AGAP5: variants seen among roughly 807,000 people sequenced by gnomAD.
The protein encoded by AGAP5 is arf-GAP with GTPase, ANK repeat and PH domain-containing protein 5.
AGAP5 carries 8 observed loss-of-function variants against 27.7 expected under a neutral mutation model. The observed-to-expected ratio is 0.29, with a 90% CI of 0.17 to 0.52. The LOEUF (loss-of-function observed/expected upper bound fraction) is 0.52. Among genes scored for constraint, AGAP5 ranks in the 20% least tolerant of loss-of-function variants. AGAP5 has a pLI of 0.97. For missense variants in AGAP5, 285 were observed against 880.8 expected, an observed-to-expected ratio of 0.32 and a Z score of 8.56; for synonymous variants, 111 against 338.0, an observed-to-expected ratio of 0.33 and a Z score of 7.37.
At chr10:73,686,289 A>G (rs571197626) in intron 4 of AGAP5, among the ~76,000 whole-genome samples, 2 of 152,350 alleles carry the variant, frequency 1.3e-5, no homozygotes, top group African/African-American at 4.8e-5. Context: ...AAAGCCACCT[A>G]AAACATAAAG....
At chr10:73,686,382 T>C (rs1043219649) in intron 4 of AGAP5, among the ~76,000 whole-genome samples, 2 of 152,146 alleles carry the variant, frequency 1.3e-5, no homozygotes, top group Non-Finnish European at 2.9e-5. Context: ...GATCCTCAAC[T>C]CTCATCTTAC....
chr10:73,676,291 C>CAAAAAAA (rs371426814), intron 7 of AGAP5, among the ~76,000 whole-genome samples: 24 of 71,690 alleles, frequency 3.3e-4, no homozygotes, highest in African/African-American at 6.5e-4. Flanking sequence ...CCTGTCTTTA[C>CAAAAAAA]AAAAAAAAAA....
Position 73,697,816 on chromosome 10 carries a change from C to T in AGAP5, c.-61G>A, listed in dbSNP as rs796715316. On this transcript the variant is annotated 5_prime_UTR_variant, in exon 1 of 8. Transcript: ENST00000374094. ...TGCTCACAGCTTTGGCCACACACTC[C>T]CACTGTCCTAGGCCGAGGCTATGCT... 1 of 1,591,910 alleles carries T rather than the reference C, an allele frequency of 6.3e-7. No homozygotes were observed. The highest frequency in any genetic ancestry group is 1.3e-5 in the African/African-American group (1 of 74,812).
At chr10:73,695,703 T>C (rs201545780) in intron 2 of AGAP5, among the ~76,000 whole-genome samples, 10,405 of 90,472 alleles carry the variant, frequency 0.12, no homozygotes, top group African/African-American at 0.16. Context: ...CCTACCTCTT[T>C]AAAAATTAAG....
intron 4 of AGAP5, among the ~76,000 whole-genome samples, chr10:73,689,132 G>A (rs1404791591): frequency 2.0e-5 from 3 of 151,176 alleles, no homozygotes; most frequent in Non-Finnish European, 1.5e-5. Context: ...GATTGCAGGC[G>A]CGCGCCGCCA....
chr10:73,690,893 T>C (rs1322725486), intron 4 of AGAP5, among the ~76,000 whole-genome samples: 3 of 152,074 alleles, frequency 2.0e-5, no homozygotes, highest in East Asian at 1.9e-4. Context: ...CCACGCTATA[T>C]TGAACTAGGA....
In AGAP5 at chr10:73,675,450, TTAGG is replaced by T. The variant is rs766622347; in HGVS notation, c.1206_1209del (p.His402GlnfsTer10). 8 of 1,613,850 alleles carry T rather than the reference TTAGG, an allele frequency of 5.0e-6. No individual in the cohort carries two copies. Among genetic ancestry groups the T allele is most frequent in the Non-Finnish European group, 5.9e-6 (7 of 1,179,952 alleles). ...ATAAAGTTGTTGGTGCTTTTCTTCT[TTAGG>T]TGTTTCTTTTTATTGGCATGAGGAG... On this transcript the variant is annotated frameshift_variant, in exon 8 of 8. Transcript: ENST00000374094. LOFTEE classifies it low-confidence loss of function (END_TRUNC).
intron 6 of AGAP5, among the ~76,000 whole-genome samples, chr10:73,678,978 C>T (rs1287184859): frequency 6.7e-6 from 1 of 149,256 alleles, no homozygotes; most frequent in Non-Finnish European, 1.5e-5. Context: ...CTCAGCCTCC[C>T]AAGTAACTGG....
At chr10:73,676,976 A>G (rs1224873103) in intron 6 of AGAP5, among the ~76,000 whole-genome samples, 1 of 152,136 alleles carries the variant, frequency 6.6e-6, no homozygotes. Flanking sequence ...AGCCTTTTAT[A>G]TGATAACCAG....
chr10:73,693,759 C>T (rs551030179), intron 3 of AGAP5, among the ~76,000 whole-genome samples: 1 of 151,456 alleles, frequency 6.6e-6, no homozygotes, highest in Admixed American at 6.6e-5. Flanking sequence ...CCCTCTTTCA[C>T]TGTGTGGAAC....
intron 4 of AGAP5, among the ~76,000 whole-genome samples, chr10:73,689,879 G>A (rs1345240729): frequency 6.7e-6 from 1 of 149,872 alleles, no homozygotes; most frequent in Admixed American, 6.6e-5. Flanking sequence ...CCCCCCGCCC[G>A]GCCAGCCGCC....
intron 4 of AGAP5, among the ~76,000 whole-genome samples, chr10:73,685,440 T>G (rs1352558557): frequency 2.0e-5 from 3 of 152,236 alleles, no homozygotes; most frequent in Non-Finnish European, 2.9e-5. Context: ...AAGATGATCA[T>G]GTGATTTTTT....
chr10:73,693,145 A>C (rs887311306), intron 3 of AGAP5, among the ~76,000 whole-genome samples: 1 of 152,146 alleles, frequency 6.6e-6, no homozygotes, highest in Non-Finnish European at 1.5e-5. Flanking sequence ...CTGAAGAGTG[A>C]GGGACATGGA....
chr10:73,697,940 C>A lies in AGAP5; in HGVS notation c.-185G>T, dbSNP rs1300592574. The A allele has an allele frequency of 3.3e-6, 5 of 1,519,780 alleles. No homozygotes were observed. In the African/African-American group the frequency reaches 6.9e-5, roughly 21 times the overall value. 94.1% of individuals were successfully genotyped at this position (1,519,780 alleles called of 1,614,324 possible). ...CCGGCCCCGGCCCCGGCTAGGGCTG[C>A]GGGTCAAGGCCCACACCCTGCTGCC... On this transcript the variant is annotated 5_prime_UTR_variant, in exon 1 of 8. Transcript: ENST00000374094.
intron 4 of AGAP5, among the ~76,000 whole-genome samples, chr10:73,689,642 C>G (rs1017672311): frequency 1.3e-5 from 2 of 151,986 alleles, no homozygotes; most frequent in Non-Finnish European, 2.9e-5. Context: ...GCCCTGCCGC[C>G]CCGTCCAGGA....
At chr10:73,696,013 T>C (rs543559090) in intron 2 of AGAP5, among the ~76,000 whole-genome samples, 1 of 152,044 alleles carries the variant, frequency 6.6e-6, no homozygotes, top group Non-Finnish European at 1.5e-5. Flanking sequence ...CCAACTTTCT[T>C]TCCTTTTTTT....
At chr10:73,695,075 TAA>T (rs768958731) in intron 2 of AGAP5, among the ~76,000 whole-genome samples, 30 of 138,834 alleles carry the variant, frequency 2.2e-4, no homozygotes, top group Non-Finnish European at 2.8e-4. Flanking sequence ...CTCCTTTATT[TAA>T]AAAAAAAAAA....
intron 5 of AGAP5, chr10:73,682,490 TGG>T (rs1483884099): frequency 1.2e-6 from 1 of 834,612 alleles, no homozygotes; most frequent in Non-Finnish European, 1.4e-6. Flanking sequence ...ACACTGTTTC[TGG>T]GTTTGCTTCT....
At chr10:73,682,068 A>T in intron 5 of AGAP5, 4 of 983,292 alleles carry the variant, frequency 4.1e-6, no homozygotes, top group Non-Finnish European at 4.8e-6. Context: ...TAAATTAAAG[A>T]TAAAGACATT....
Sources: gnomAD v4.1 joint callset for allele counts (sites outside exome capture counted in the v4.1 genomes callset) on GRCh38, gnomAD v4.1.1 for gene constraint, MANE v1.5 for transcripts, NCBI Gene and HGNC (gene_info 2026-07-23, HGNC 2026-07-21) for gene names.